The following PPP1R12B variants were observed in gnomAD, a reference collection of about 807,000 sequenced individuals.
PPP1R12B encodes the protein myosin phosphatase target subunit 2.
In PPP1R12B, 76 loss-of-function variants were observed where a neutral mutation model predicts 126.1. The observed-to-expected ratio is 0.60, with a 90% CI of 0.50 to 0.73. PPP1R12B has a LOEUF of 0.73. Ranked by LOEUF, PPP1R12B falls within the 30% of genes least tolerant of loss-of-function variation. The pLI, the probability that PPP1R12B is intolerant of heterozygous loss-of-function variation, is 0.00. For missense variants in PPP1R12B, 1,052 were observed against 1,205.1 expected (o/e 0.87, Z 1.88); for synonymous variants, 356 against 434.7 (o/e 0.82, Z 2.25).
chr1:202,437,627 A>G (rs895157200), intron 9 of PPP1R12B, among the ~76,000 whole-genome samples, 194 bp from the exon 10 acceptor site: 1 of 152,192 alleles, frequency 6.6e-6, no homozygotes, highest in African/African-American at 2.4e-5. Context: ...GCTTAGGAAG[A>G]AAGAGCCTGG....
chr1:202,548,794 CTCTCTCTCTCTCTCTATA>C (rs1169876185), intron 18 of PPP1R12B, among the ~76,000 whole-genome samples: 3 of 112,714 alleles, frequency 2.7e-5, no homozygotes, highest in Admixed American at 9.9e-5. Flanking sequence ...CTCTCTCTCT[CTCTCTCTCTCTCTCTATA>C]TATATATATA....
At chr1:202,483,922 A>G (rs1374538706) in intron 13 of PPP1R12B, among the ~76,000 whole-genome samples, 4 of 152,150 alleles carry the variant, frequency 2.6e-5, no homozygotes, top group African/African-American at 4.8e-5. Context: ...TTTATCTGAC[A>G]TGGTTACTCC....
rs919294371 is a variant in PPP1R12B at position 202,502,274 on chromosome 1, G to A, written c.2490+5452G>A. 6.4e-5 allele frequency: 63 copies of A among 984,038 alleles called. No homozygotes were observed. The African/African-American group carries it at 1.1e-3, about 17-fold the overall frequency. 61.0% of individuals were successfully genotyped at this position (984,038 alleles called of 1,614,324 possible). A position where few individuals can be genotyped will look rare whatever the true frequency, so the allele number is the denominator to read the frequency against. On this transcript the variant is annotated intron_variant, in intron 18 of 23. Coordinates refer to ENST00000608999, the MANE Select transcript of PPP1R12B (RefSeq NM_002481.4). ...CAAGGTACCTGCCTTAGATAACTGG[G>A]GGTATGCTCGTGGAGAGATCTGTTG...
chr1:202,468,131 G>A (rs1238054214), intron 13 of PPP1R12B, among the ~76,000 whole-genome samples: 2 of 152,096 alleles, frequency 1.3e-5, no homozygotes, highest in Non-Finnish European at 2.9e-5. Flanking sequence ...TTAGCCCTTT[G>A]TCAGATGAGT....
intron 13 of PPP1R12B, among the ~76,000 whole-genome samples, chr1:202,475,293 T>G (rs1676485841): frequency 6.6e-6 from 1 of 152,304 alleles, no homozygotes; most frequent in Middle Eastern, 3.4e-3. Context: ...CCCTAATATT[T>G]TTAATGTTTA....
At chr1:202,428,322 T>A (rs778647695) in intron 5 of PPP1R12B, among the ~76,000 whole-genome samples, 1 of 152,226 alleles carries the variant, frequency 6.6e-6, no homozygotes, top group Non-Finnish European at 1.5e-5. Context: ...AATTAGTAGA[T>A]ATTCTTATCT....
intron 13 of PPP1R12B, among the ~76,000 whole-genome samples, chr1:202,484,176 A>G (rs1050427648): frequency 2.0e-5 from 3 of 152,064 alleles, no homozygotes; most frequent in Non-Finnish European, 2.9e-5. Flanking sequence ...GTGGTTTTAT[A>G]GATCCTTCGT....
intron 1 of PPP1R12B, among the ~76,000 whole-genome samples, chr1:202,363,942 G>A (rs1658680418): frequency 6.6e-6 from 1 of 152,014 alleles, no homozygotes; most frequent in Admixed American, 6.6e-5. Context: ...TGTATTTTTA[G>A]TAGAGACGGG....
chr1:202,485,887 GTTA>G (rs972164561), intron 13 of PPP1R12B, among the ~76,000 whole-genome samples: 4 of 151,932 alleles, frequency 2.6e-5, no homozygotes, highest in African/African-American at 7.3e-5. Context: ...TATTATTATT[GTTA>G]TTATTATTTG....
chr1:202,440,745 C>T lies in PPP1R12B; in HGVS notation c.1498C>T (p.Arg500Trp), dbSNP rs766756633. Residue 500 changes from arginine (R) to tryptophan (W), a missense_variant, in exon 11 of 24, where the codon CGG (arginine) becomes TGG (tryptophan). Coordinates refer to ENST00000608999, the MANE Select transcript of PPP1R12B (RefSeq NM_002481.4). The part of the protein sequence containing the change: ...NKSYISSLAP[R>W]KLNSTSDIEE... The stretch of plus-strand genomic sequence containing the variant: ...AAGCTATATTAGTTCACTAGCACCC[C>T]GGAAGCTCAACAGCACAAGTGATAT... 4.5e-5 allele frequency: 72 copies of T among 1,613,784 alleles called. No homozygotes were observed. The highest frequency in any genetic ancestry group is 5.4e-5 in the Non-Finnish European group (64 of 1,179,866).
At chr1:202,477,418 A>T (rs1676807475) in intron 13 of PPP1R12B, among the ~76,000 whole-genome samples, 1 of 152,224 alleles carries the variant, frequency 6.6e-6, no homozygotes, top group Admixed American at 6.5e-5. Flanking sequence ...GTACAAACCC[A>T]GGCAGTATGA....
chr1:202,563,060 T>C (rs544590011), intron 20 of PPP1R12B, 138 bp downstream of exon 20: 6 of 1,022,120 alleles, frequency 5.9e-6, no homozygotes, highest in Admixed American at 3.7e-5. Flanking sequence ...TCCTTGCAGT[T>C]TTCTGGGTTT....
intron 1 of PPP1R12B, among the ~76,000 whole-genome samples, chr1:202,359,913 T>G (rs1188580165): frequency 1.9e-4 from 23 of 123,484 alleles, no homozygotes; most frequent in Admixed American, 1.8e-3. Context: ...TGTTCACAGG[T>G]GTGTGTGTGT....
At chr1:202,513,479 A>G (rs551074489) in intron 18 of PPP1R12B, among the ~76,000 whole-genome samples, 1 of 152,314 alleles carries the variant, frequency 6.6e-6, no homozygotes, top group African/African-American at 2.4e-5. Flanking sequence ...AGTTCAAGAT[A>G]CCTATCAGAC....
intron 1 of PPP1R12B, among the ~76,000 whole-genome samples, chr1:202,409,709 G>A (rs1667139854): frequency 6.6e-6 from 1 of 151,934 alleles, no homozygotes; most frequent in Admixed American, 6.6e-5. Flanking sequence ...TGTTGCCCAC[G>A]CTTGAGGGCA....
rs1571948949 is a variant in PPP1R12B at position 202,424,591 on chromosome 1, G to A, written c.542-975G>A. Among the ~76,000 whole-genome samples the A allele has an allele frequency of 4.6e-5, 7 of 152,206 alleles. No homozygotes were observed. In the South Asian group the frequency reaches 1.5e-3, roughly 32 times the overall value. ...ACCCACCTAGGCTTTCCAAAGTGCT[G>A]GGATTACAGGCATGAGACACCGCAC... On this transcript the variant is annotated intron_variant, in intron 3 of 23. Transcript: ENST00000608999.
intron 13 of PPP1R12B, among the ~76,000 whole-genome samples, chr1:202,482,637 A>G (rs1380617921): frequency 1.3e-5 from 2 of 152,168 alleles, no homozygotes; most frequent in African/African-American, 4.8e-5. Context: ...TATTCTGGAT[A>G]TTAACTCCTT....
chr1:202,576,459 C>T (rs538167221), intron 23 of PPP1R12B: 1 of 152,332 alleles, frequency 6.6e-6, no homozygotes, highest in East Asian at 1.9e-4. Flanking sequence ...AACTGAATCA[C>T]CCGAATTATC....
intron 1 of PPP1R12B, among the ~76,000 whole-genome samples, chr1:202,401,903 C>G (rs748809014): frequency 5.9e-5 from 9 of 152,192 alleles, no homozygotes; most frequent in Non-Finnish European, 1.0e-4. Flanking sequence ...AGATTGAAAG[C>G]AAGGTAACAC....
Sources: allele counts gnomAD v4.1 joint callset (sites outside exome capture counted in the v4.1 genomes callset), GRCh38; gene constraint gnomAD v4.1.1; transcripts MANE v1.5; gene names NCBI Gene and HGNC (gene_info 2026-07-23, HGNC 2026-07-21).